Variants in CGNL1 observed in about 807,000 individuals in gnomAD.
CGNL1 encodes the protein cingulin-like protein 1.
In CGNL1, 132 loss-of-function variants were observed where a neutral mutation model predicts 141.2. The ratio of observed to expected loss-of-function variants is 0.93; its 90% CI spans 0.81 to 1.08. CGNL1 has a LOEUF of 1.08. Ranked by LOEUF, CGNL1 falls within the 50% of genes least tolerant of loss-of-function variation. The pLI, the probability that CGNL1 is intolerant of heterozygous loss-of-function variation, is 0.00. For synonymous variants in CGNL1, 690 were observed against 622.1 expected, an observed-to-expected ratio of 1.11 and a Z score of -1.63; for missense variants, 1,870 against 1,588.6, an observed-to-expected ratio of 1.18 and a Z score of -3.01.
At position 57,456,805 on chromosome 15, in the gene CGNL1, C is replaced by T. The variant is rs1032153475; in HGVS notation, c.2190+2987C>T. Reference sequence around the variant, plus strand: ...AAATGTCTGCTTTGATGGGAGCCTGCGGTGCTGAGAGATGGGCCTCACTCC... The same window carrying T: ...AAATGTCTGCTTTGATGGGAGCCTGTGGTGCTGAGAGATGGGCCTCACTCC... On this transcript the variant is annotated intron_variant, in intron 7 of 18. Coordinates refer to ENST00000281282, the MANE Select transcript of CGNL1 (RefSeq NM_032866.5). Among the ~76,000 whole-genome samples the T allele has an allele frequency of 1.4e-4, 22 of 152,192 alleles. No individual in the cohort carries two copies. The East Asian group carries it at 2.7e-3, about 19-fold the overall frequency.
chr15:57,421,040 T>G (rs2062908609), intron 1 of CGNL1, among the ~76,000 whole-genome samples: 2 of 152,034 alleles, frequency 1.3e-5, no homozygotes, highest in African/African-American at 4.8e-5. Context: ...GTAATTAGGG[T>G]TAGATTAGGT....
chr15:57,505,972 C>T (rs28777079), intron 8 of CGNL1, among the ~76,000 whole-genome samples: 3,004 of 152,232 alleles, frequency 0.02, 95 homozygotes, highest in African/African-American at 0.068. Context: ...ACAAGACTTC[C>T]GGGCAGGGGT....
At chr15:57,466,069 GA>G (rs1216294217) in intron 8 of CGNL1, among the ~76,000 whole-genome samples, 1 of 152,194 alleles carries the variant, frequency 6.6e-6, no homozygotes, top group Non-Finnish European at 1.5e-5. Flanking sequence ...CAGAGCGGTG[GA>G]GGTTTGGGTT....
chr15:57,451,374 T>C (rs1430584628), intron 4 of CGNL1, 126 bp from the exon 5 acceptor site: 3 of 648,386 alleles, frequency 4.6e-6, no homozygotes, highest in East Asian at 2.8e-5. Flanking sequence ...GATGTTTGAA[T>C]TGGGTCTTAA....
At chr15:57,464,413 T>C (rs968963013) in intron 8 of CGNL1, among the ~76,000 whole-genome samples, 1 of 152,152 alleles carries the variant, frequency 6.6e-6, no homozygotes, top group South Asian at 2.1e-4. Context: ...CATAGACCAA[T>C]ACACCCCATA....
At chr15:57,400,764 T>C (rs2152249711) in intron 1 of CGNL1, among the ~76,000 whole-genome samples, 1 of 151,750 alleles carries the variant, frequency 6.6e-6, no homozygotes. Context: ...CTGCCTGTAA[T>C]CCCAGTTACT....
intron 8 of CGNL1, among the ~76,000 whole-genome samples, chr15:57,464,249 C>G (rs1428580475): frequency 6.6e-6 from 1 of 152,090 alleles, no homozygotes; most frequent in African/African-American, 2.4e-5. Context: ...CTTCTCTGCT[C>G]CAGCTTAGAG....
At chr15:57,442,325 G>T in intron 3 of CGNL1, 48 bp from the exon 4 acceptor site, 1 of 1,170,212 alleles carries the variant, frequency 8.5e-7, no homozygotes, top group South Asian at 1.2e-5. Flanking sequence ...ATTGTTCTGA[G>T]ACCAGTGGTT....
At chr15:57,522,539 G>T (rs188116159) in intron 10 of CGNL1, among the ~76,000 whole-genome samples, 22 of 152,178 alleles carry the variant, frequency 1.4e-4, no homozygotes, top group African/African-American at 4.8e-4. Context: ...GCCTGACAAC[G>T]TTTTCGAGAT....
At chr15:57,446,495 C>G (rs1408640883) in intron 4 of CGNL1, among the ~76,000 whole-genome samples, 3 of 151,978 alleles carry the variant, frequency 2.0e-5, no homozygotes, top group Non-Finnish European at 4.4e-5. Flanking sequence ...TCTCGTGTGT[C>G]CGGCTTCATT....
chr15:57,473,874 A>ACTTCTTCTT (rs1270331869), intron 8 of CGNL1, among the ~76,000 whole-genome samples: 77 of 109,796 alleles, frequency 7.0e-4, no homozygotes, highest in African/African-American at 2.3e-3. Flanking sequence ...TGATTGAGTC[A>ACTTCTTCTT]CTTCTTCTTC....
At chr15:57,477,223 G>T (rs778403828) in intron 8 of CGNL1, among the ~76,000 whole-genome samples, 3 of 152,160 alleles carry the variant, frequency 2.0e-5, no homozygotes, top group Non-Finnish European at 4.4e-5. Context: ...CAGAGAAGGT[G>T]GCATTAGAGA....
intron 13 of CGNL1, 78 bp downstream of exon 13, chr15:57,528,893 C>G: frequency 2.7e-6 from 4 of 1,471,740 alleles, no homozygotes; most frequent in Non-Finnish European, 3.7e-6. Context: ...CCTCTTTGCT[C>G]TCAGCTCAGC....
chr15:57,498,335 A>C (rs915986077), intron 8 of CGNL1, among the ~76,000 whole-genome samples: 2 of 131,840 alleles, frequency 1.5e-5, no homozygotes, highest in South Asian at 5.0e-4. Context: ...CTGCAGCCTC[A>C]ATCTCCCGGG....
At chr15:57,490,819 T>C (rs1160450379) in intron 8 of CGNL1, among the ~76,000 whole-genome samples, 1 of 152,180 alleles carries the variant, frequency 6.6e-6, no homozygotes, top group Non-Finnish European at 1.5e-5. Flanking sequence ...ACGTGATCAA[T>C]TTCAGCATCA....
At position 57,438,504 on chromosome 15, in the gene CGNL1, C is replaced by G. The variant is rs554587755; in HGVS notation, c.505C>G (p.Pro169Ala). ...TGAGTTGAATTTACAAAATCACCAG[C>G]CTTCTGAGAGTAATTGGCTAAAAAC... ...KNELNLQNHQ[P>A]SESNWLKTLT... The change falls in exon 2 of 19, where the codon CCT becomes GCT. Residue 169 changes from proline to alanine, a missense_variant. By Grantham distance (27) the Pro-to-Ala change is conservative (BLOSUM62 -1). Transcript: ENST00000281282. 175 of 1,614,136 alleles carry G rather than the reference C, an allele frequency of 1.1e-4. No homozygotes were observed. Among genetic ancestry groups the G allele is most frequent in the East Asian group, 2.7e-4 (12 of 44,886 alleles).
chr15:57,517,093 A>G lies in CGNL1; in HGVS notation c.2610+107A>G. Reference sequence around the variant, plus strand: ...GGATTTATTGTCATGATGTAGTAGGAAAGGTCAAGGCAATAGTGAATACAT... The same window carrying G: ...GGATTTATTGTCATGATGTAGTAGGGAAGGTCAAGGCAATAGTGAATACAT... On this transcript the variant is annotated intron_variant, in intron 9 of 18. Coordinates refer to ENST00000281282, the MANE Select transcript of CGNL1 (RefSeq NM_032866.5). 3.6e-6 allele frequency: 4 copies of G among 1,106,900 alleles called. No individual in the cohort carries two copies. The South Asian group carries it at 4.3e-5, about 12-fold the overall frequency. 68.6% of individuals were successfully genotyped at this position (1,106,900 alleles called of 1,614,324 possible). A position where few individuals can be genotyped will look rare whatever the true frequency, so the allele number is the denominator to read the frequency against.
At chr15:57,385,122 T>C (rs1447666448) in intron 1 of CGNL1, among the ~76,000 whole-genome samples, 1 of 152,230 alleles carries the variant, frequency 6.6e-6, no homozygotes, top group African/African-American at 2.4e-5. Flanking sequence ...GGGCTGCTCT[T>C]GTCATCAGGG....
In CGNL1 at chr15:57,438,658, G is replaced by A. The variant is rs766527132; in HGVS notation, c.659G>A (p.Ser220Asn). The change falls in exon 2 of 19, where the codon AGC becomes AAC. Residue 220 changes from serine to asparagine, a missense_variant. Transcript: ENST00000281282. The part of the protein sequence containing the change: ...KSGVTAIRLC[S>N]SVVIEDPKKQ... ...GGTGTGACAGCTATTCGTTTATGCA[G>A]CTCCGTGGTCATAGAGGACCCCAAA... 9 of 1,614,046 alleles carry A rather than the reference G, an allele frequency of 5.6e-6. No homozygotes were observed. Among genetic ancestry groups the A allele is most frequent in the Non-Finnish European group, 7.6e-6 (9 of 1,180,054 alleles).
Sources: gnomAD v4.1 joint callset for allele counts (sites outside exome capture counted in the v4.1 genomes callset) on GRCh38, gnomAD v4.1.1 for gene constraint, MANE v1.5 for transcripts, NCBI Gene and HGNC (gene_info 2026-07-23, HGNC 2026-07-21) for gene names.